Variants in RIMS2 observed in about 807,000 individuals in gnomAD.
RIMS2 encodes regulating synaptic membrane exocytosis 2.
RIMS2 carries 59 observed loss-of-function variants against 174.4 expected under a neutral mutation model. That is an observed-to-expected ratio of 0.34 (90% confidence interval 0.27 to 0.42). RIMS2 has a LOEUF of 0.42. RIMS2 is among the 10% of genes least tolerant of loss of function. The pLI, the probability that RIMS2 is intolerant of heterozygous loss-of-function variation, is 1.00. For synonymous variants in RIMS2, 606 were observed against 572.5 expected (o/e 1.06, Z -0.84); for missense variants, 1,620 against 1,666.3 (o/e 0.97, Z 0.48).
exon 6 of RIMS2, chr8:103,912,101 C>A: frequency 6.2e-7 from 1 of 1,605,196 alleles, no homozygotes; most frequent in South Asian, 1.1e-5. Flanking sequence ...TTTAATTGGT[C>A]GCATTTTATT....
At chr8:103,725,956 G>A (rs925908650) in intron 2 of RIMS2, among the ~76,000 whole-genome samples, 2 of 151,996 alleles carry the variant, frequency 1.3e-5, no homozygotes, top group Non-Finnish European at 2.9e-5. Flanking sequence ...TTTATATCAC[G>A]TCTTTTGAGA....
chr8:104,168,961 GTATGTTAAAC>G (rs2135318345), intron 19 of RIMS2, among the ~76,000 whole-genome samples: 1 of 151,908 alleles, frequency 6.6e-6, no homozygotes, highest in East Asian at 1.9e-4. Flanking sequence ...ATTGACTTGT[GTATGTTAAAC>G]CATCCCTGCA....
intron 1 of RIMS2, among the ~76,000 whole-genome samples, chr8:103,583,093 G>A (rs2093705684): frequency 6.6e-6 from 1 of 152,184 alleles, no homozygotes; most frequent in Admixed American, 6.5e-5. Context: ...AGAACACAGA[G>A]AGAGACACTT....
intron 1 of RIMS2, among the ~76,000 whole-genome samples, chr8:103,508,539 A>G (rs1048593878): frequency 1.3e-5 from 2 of 151,874 alleles, no homozygotes; most frequent in Admixed American, 6.6e-5. Context: ...ACAGATTTAA[A>G]TGGTGATGCG....
Position 103,585,609 on chromosome 8 carries a change from A to C in RIMS2, c.176+84547A>C, listed in dbSNP as rs150155633. 1.7e-4 allele frequency among the ~76,000 whole-genome samples: 26 copies of C among 152,294 alleles called. 1 individual carries two copies. In the East Asian group the frequency reaches 5.0e-3, roughly 29 times the overall value. ...GACATGGATGAAGCTGGAAACCACC[A>C]TTCTCAGCAAATTAACACAAGAACA... On this transcript the variant is annotated intron_variant, in intron 1 of 23. Coordinates refer to ENST00000504942, the Ensembl canonical transcript of RIMS2.
At chr8:104,172,520 T>C (rs1054996841) in intron 19 of RIMS2, among the ~76,000 whole-genome samples, 2 of 152,236 alleles carry the variant, frequency 1.3e-5, no homozygotes, top group African/African-American at 4.8e-5. Context: ...AGTTCATTTG[T>C]TAATGTATAT....
chr8:103,522,435 G>A (rs7836148), intron 1 of RIMS2, among the ~76,000 whole-genome samples: 9,102 of 152,108 alleles, frequency 0.06, 911 homozygotes, highest in African/African-American at 0.2. Flanking sequence ...GTTAAACAGA[G>A]TTGTTCTGAT....
intron 15 of RIMS2, 97 bp downstream of exon 17, chr8:103,961,230 C>A: frequency 1.4e-6 from 1 of 701,828 alleles, no homozygotes; most frequent in South Asian, 1.7e-5. Flanking sequence ...AGATATAACT[C>A]GTCTTCTCAC....
At chr8:103,685,428 G>C (rs2096930070) in intron 1 of RIMS2, among the ~76,000 whole-genome samples, 1 of 152,104 alleles carries the variant, frequency 6.6e-6, no homozygotes, top group Admixed American at 6.6e-5. Flanking sequence ...AGAGCACCAA[G>C]CCATTTATGA....
At chr8:103,712,122 GCTGAGAC>G in intron 2 of RIMS2, among the ~76,000 whole-genome samples, 1 of 150,534 alleles carries the variant, frequency 6.6e-6, no homozygotes, top group South Asian at 2.1e-4. Context: ...CTCCTGAGTA[GCTGAGAC>G]TACAGGTGCA....
intron 1 of RIMS2, among the ~76,000 whole-genome samples, chr8:103,606,622 A>T (rs999228789): frequency 6.6e-6 from 1 of 151,966 alleles, no homozygotes; most frequent in Admixed American, 6.6e-5. Flanking sequence ...CCCATTATTA[A>T]TGTGTGGGAG....
chr8:103,711,950 A>G (rs888096529), intron 2 of RIMS2, among the ~76,000 whole-genome samples: 1 of 151,846 alleles, frequency 6.6e-6, no homozygotes, highest in African/African-American at 2.4e-5. Flanking sequence ...AATACCCAAT[A>G]TATCTGAAAA....
At chr8:103,927,906 C>T in intron 11 of RIMS2, 1 of 1,598,778 alleles carries the variant, frequency 6.3e-7, no homozygotes, top group East Asian at 2.2e-5. Context: ...GCCTTGTCTG[C>T]CTGATAGAAA....
chr8:104,248,656 A>G (rs2140203510), intron 20 of RIMS2, 45 bp from the exon 27 acceptor site: 1 of 1,020,620 alleles, frequency 9.8e-7, no homozygotes, highest in East Asian at 2.4e-5. Flanking sequence ...ACCTGAAAAT[A>G]AATAGGGGTT....
At chr8:104,214,932 A>G (rs1180074418) in intron 19 of RIMS2, among the ~76,000 whole-genome samples, 1 of 152,200 alleles carries the variant, frequency 6.6e-6, no homozygotes, top group Non-Finnish European at 1.5e-5. Flanking sequence ...GATCTGTATA[A>G]CATGAATGTT....
intron 10 of RIMS2, among the ~76,000 whole-genome samples, chr8:103,925,038 C>T (rs2078486606): frequency 6.6e-6 from 1 of 151,434 alleles, no homozygotes; most frequent in Non-Finnish European, 1.5e-5. Flanking sequence ...CAGTTTTTTC[C>T]TTCTGTGGAT....
chr8:103,888,920 CTA>C (rs1286084831), intron 4 of RIMS2, among the ~76,000 whole-genome samples: 1 of 151,458 alleles, frequency 6.6e-6, no homozygotes, highest in East Asian at 1.9e-4. Context: ...TGGCAGAAAA[CTA>C]CACTTTAATT....
At chr8:103,812,644 A>C (rs1460197557) in intron 3 of RIMS2, among the ~76,000 whole-genome samples, 1 of 152,058 alleles carries the variant, frequency 6.6e-6, no homozygotes, top group Non-Finnish European at 1.5e-5. Flanking sequence ...GGCCTCCCAA[A>C]GTGTTGTGAT....
rs566541498 is a variant in RIMS2 at position 103,578,248 on chromosome 8, G to A, written c.176+77186G>A. Among the ~76,000 whole-genome samples, 35 of 152,084 alleles carry A rather than the reference G, an allele frequency of 2.3e-4. 1 individual carries two copies. Among genetic ancestry groups the A allele is most frequent in the Non-Finnish European group, 4.0e-4 (27 of 68,018 alleles). ...GGAGAAAAGAAGCAACTAACATATC[G>A]GCCAGGCATTGTGGTTCATGCCTGT... On this transcript the variant is annotated intron_variant, in intron 1 of 23. Coordinates refer to ENST00000504942, the Ensembl canonical transcript of RIMS2.
Sources: gnomAD v4.1 joint callset for allele counts (sites outside exome capture counted in the v4.1 genomes callset) on GRCh38, gnomAD v4.1.1 for gene constraint, MANE v1.5 for transcripts, NCBI Gene and HGNC (gene_info 2026-07-23, HGNC 2026-07-21) for gene names.